USB1: variants seen among roughly 807,000 people sequenced by gnomAD.
USB1 encodes U6 snRNA biogenesis phosphodiesterase 1.
In USB1, 21 loss-of-function variants were observed where a neutral mutation model predicts 29.9. The ratio of observed to expected loss-of-function variants is 0.70; its 90% CI spans 0.50 to 1.01. The LOEUF (loss-of-function observed/expected upper bound fraction) is 1.01. Among genes scored for constraint, USB1 ranks in the 50% least tolerant of loss-of-function variants. USB1 has a pLI of 0.00. For synonymous variants in USB1, 143 were observed against 134.9 expected, an observed-to-expected ratio of 1.06 and a Z score of -0.42; for missense variants, 330 against 347.1, an observed-to-expected ratio of 0.95 and a Z score of 0.39.
intron 3 of USB1, chr16:58,012,373 A>G: frequency 6.7e-7 from 1 of 1,500,984 alleles, no homozygotes; most frequent in Non-Finnish European, 9.0e-7. Context: ...AACCAAAGAG[A>G]AATTTATAGG....
In USB1 at chr16:58,006,635, G is replaced by A. The variant is rs192294187; in HGVS notation, c.266-3294G>A. On this transcript the variant is annotated intron_variant, in intron 2 of 6. Transcript: ENST00000219281. ...GAGTGCACCACTGCACTCCAGCCTG[G>A]GCAACAGAGCAAGACTCTGTCTTGG... is the stretch of plus-strand genomic sequence containing the variant. 5.1e-3 allele frequency among the ~76,000 whole-genome samples: 777 copies of A among 152,268 alleles called. 2 individuals are homozygous for A. Among genetic ancestry groups the A allele is most frequent in the Middle Eastern group, 0.01 (3 of 294 alleles).
At chr16:58,008,050 G>C (rs556375242) in intron 2 of USB1, among the ~76,000 whole-genome samples, 2 of 152,064 alleles carry the variant, frequency 1.3e-5, no homozygotes, top group Admixed American at 1.3e-4. Context: ...TTCTTCTTTT[G>C]TGAGTTTTAG....
At chr16:58,019,954 T>C (rs1412791974) in intron 6 of USB1, among the ~76,000 whole-genome samples, 187 bp from the exon 7 acceptor site, 3 of 151,932 alleles carry the variant, frequency 2.0e-5, no homozygotes, top group African/African-American at 7.3e-5. Flanking sequence ...ATCTGTAAAG[T>C]TGAGATGATA....
chr16:58,005,052 GGAGA>G (rs1243376586), intron 2 of USB1, among the ~76,000 whole-genome samples: 1 of 151,988 alleles, frequency 6.6e-6, no homozygotes, highest in Non-Finnish European at 1.5e-5. Flanking sequence ...AGAGAGAGAG[GGAGA>G]GAGAGAGGAC....
chr16:58,020,675 C>T lies in USB1; in HGVS notation c.*430C>T. The T allele has an allele frequency of 3.6e-6, 1 of 275,824 alleles. No homozygotes were observed. 17.1% of individuals were successfully genotyped at this position (275,824 alleles called of 1,614,324 possible). A position where few individuals can be genotyped will look rare whatever the true frequency, so the allele number is the denominator to read the frequency against. On this transcript the variant is annotated 3_prime_UTR_variant, in exon 7 of 7. Transcript: ENST00000219281. Reference sequence around the variant, plus strand: ...TCTCCTCTCTCTTCCCTTCCTGTCTCTCTTCCCCTCCTCTCTCTCTTCCTG... The same window carrying T: ...TCTCCTCTCTCTTCCCTTCCTGTCTTTCTTCCCCTCCTCTCTCTCTTCCTG...
At position 58,013,498 on chromosome 16, in the gene USB1, T is replaced by G. The variant is rs1195238172; in HGVS notation, c.450-775T>G. 1 of 984,736 alleles carries G rather than the reference T, an allele frequency of 1.0e-6. No individual in the cohort carries two copies. Among genetic ancestry groups the G allele is most frequent in the Non-Finnish European group, 1.2e-6 (1 of 830,020 alleles). The allele number at this position is 984,736 out of a possible 1,614,324, so 61.0% of individuals were successfully genotyped here. On this transcript the variant is annotated intron_variant, in intron 3 of 6. Transcript: ENST00000219281. The surrounding 1 kb of genome is among the most constrained non-coding windows in gnomAD (Gnocchi z 4.3). ...ATGATCTGTTTCTGTGAGGAGACTT[T>G]CCATGGTGAGATTGCTAGTGTCTCA...
chr16:58,018,288 G>C lies in USB1; in HGVS notation c.610-684G>C, dbSNP rs193268543. Among the ~76,000 whole-genome samples, 3 of 149,934 alleles carry C rather than the reference G, an allele frequency of 2.0e-5. No individual in the cohort carries two copies. In the East Asian group the frequency reaches 5.9e-4, roughly 29 times the overall value. ...GTCGCCCATGCTGGAGTGCAGTGGC[G>C]CAATCTCAGCTCCCTGCAACCTCCG... On this transcript the variant is annotated intron_variant, in intron 5 of 6. Coordinates refer to ENST00000219281, the MANE Select transcript of USB1 (RefSeq NM_024598.4).
At chr16:58,012,763 G>A (rs772236772) in intron 3 of USB1, 8 of 1,027,120 alleles carry the variant, frequency 7.8e-6, no homozygotes, top group Non-Finnish European at 9.3e-6. Flanking sequence ...TAGTGCTGAT[G>A]ACTGGCACAC....
rs764832747 is a variant in USB1, at chr16:58,010,118, T to C, written c.449+6T>C. On this transcript the variant is annotated splice_donor_region_variant and intron_variant, in intron 3 of 6. Transcript: ENST00000219281. The stretch of plus-strand genomic sequence containing the variant: ...CGTATGACCTCCTTCCACAGGTGAG[T>C]GCTTCTTCCCTCTGCCTCTCCACTC... 3 of 1,613,860 alleles carry C rather than the reference T, an allele frequency of 1.9e-6. No homozygotes were observed. In the South Asian group the frequency reaches 3.3e-5, roughly 18 times the overall value.
intron 2 of USB1, among the ~76,000 whole-genome samples, chr16:58,003,763 G>T (rs1963288091): frequency 6.6e-6 from 1 of 151,952 alleles, no homozygotes; most frequent in Admixed American, 6.6e-5. Flanking sequence ...AATCATTTTT[G>T]TTTATTTAAT....
rs1325941474 is a variant in USB1 at position 58,021,103 on chromosome 16, C to T, written c.*858C>T. 6.6e-6 allele frequency: 1 copy of T among 152,228 alleles called. No homozygotes were observed. Among genetic ancestry groups the T allele is most frequent in the Non-Finnish European group, 1.5e-5 (1 of 68,088 alleles). 9.4% of individuals were successfully genotyped at this position (152,228 alleles called of 1,614,324 possible). On this transcript the variant is annotated 3_prime_UTR_variant, in exon 7 of 7. Transcript: ENST00000219281. Reference sequence around the variant, plus strand: ...CGGGGTGCTTCAGTGGGTCTGTCACCCTCTCTCCTTGAAGCATGTTGCTTT... The same window carrying T: ...CGGGGTGCTTCAGTGGGTCTGTCACTCTCTCTCCTTGAAGCATGTTGCTTT...
At chr16:58,010,762 T>G in intron 3 of USB1, 1 of 517,788 alleles carries the variant, frequency 1.9e-6, no homozygotes, top group Non-Finnish European at 3.5e-6. Context: ...TAGGGTGAGG[T>G]CTGGAAGGGT....
At chr16:58,018,563 T>C (rs1963671677) in intron 5 of USB1, among the ~76,000 whole-genome samples, 1 of 151,938 alleles carries the variant, frequency 6.6e-6, no homozygotes, top group South Asian at 2.1e-4. Flanking sequence ...TCCTGGCATA[T>C]AGATGGCCGC....
intron 5 of USB1, 149 bp downstream of exon 5, chr16:58,017,588 C>T (rs1414233294): frequency 2.6e-6 from 2 of 757,032 alleles, no homozygotes; most frequent in Non-Finnish European, 4.6e-6. Context: ...GGATGCACAC[C>T]TCGGGGGGTG....
chr16:58,021,094 G>A lies in USB1; in HGVS notation c.*849G>A, dbSNP rs758660280. 3 of 152,198 alleles carry A rather than the reference G, an allele frequency of 2.0e-5. No homozygotes were observed. Among genetic ancestry groups the A allele is most frequent in the Non-Finnish European group, 4.4e-5 (3 of 68,080 alleles). The allele number at this position is 152,198 out of a possible 1,614,324, so 9.4% of individuals were successfully genotyped here. A position where few individuals can be genotyped will look rare whatever the true frequency, so the allele number is the denominator to read the frequency against. ...GCCAGGACACGGGGTGCTTCAGTGGGTCTGTCACCCTCTCTCCTTGAAGCA... is the reference window on the plus strand; with the variant it reads ...GCCAGGACACGGGGTGCTTCAGTGGATCTGTCACCCTCTCTCCTTGAAGCA... On this transcript the variant is annotated 3_prime_UTR_variant, in exon 7 of 7. Transcript: ENST00000219281.
At chr16:58,012,000 C>G in intron 3 of USB1, 8 of 1,131,368 alleles carry the variant, frequency 7.1e-6, no homozygotes, top group Non-Finnish European at 8.7e-6. Context: ...AGCCTTTTTT[C>G]AAATGAGGTG....
upstream of USB1, among the ~76,000 whole-genome samples, chr16:58,001,081 C>A (rs1029255241): frequency 6.6e-6 from 1 of 152,130 alleles, no homozygotes; most frequent in Non-Finnish European, 1.5e-5. Context: ...GACCTCTGAT[C>A]CTGGCCGGGC....
intron 3 of USB1, chr16:58,012,056 G>C: frequency 7.8e-7 from 1 of 1,286,906 alleles, no homozygotes. Context: ...GAAATAAACA[G>C]TCTTCTAGCC....
intron 3 of USB1, chr16:58,011,363 C>G: frequency 8.1e-7 from 1 of 1,238,950 alleles, no homozygotes; most frequent in Non-Finnish European, 1.0e-6. Context: ...CCAGACCCCA[C>G]TTCTGGTTTT....
Sources: allele counts gnomAD v4.1 joint callset (sites outside exome capture counted in the v4.1 genomes callset), GRCh38; gene constraint gnomAD v4.1.1; non-coding constraint Gnocchi (gnomAD v3.1); transcripts MANE v1.5; gene names NCBI Gene and HGNC (gene_info 2026-07-23, HGNC 2026-07-21).